Variants in C10orf67 observed in about 807,000 individuals in gnomAD.
C10orf67 encodes the protein uncharacterized protein C10orf67, mitochondrial.
Under a neutral mutation model 35.6 loss-of-function variants are expected in C10orf67, and 60 were observed. The observed-to-expected ratio is 1.68, with a 90% CI of 1.37 to 2.09. C10orf67 has a LOEUF of 2.09. C10orf67 is among the 30% of genes most tolerant of loss of function. C10orf67 has a pLI of 0.00. For missense variants in C10orf67, 474 were observed against 330.2 expected (o/e 1.44, Z -3.38); for synonymous variants, 167 against 115.8 (o/e 1.44, Z -2.84).
At chr10:23,323,894 AATATATATATATAT>A (rs137983793) in intron 2 of C10orf67, among the ~76,000 whole-genome samples, 787 of 42,786 alleles carry the variant, frequency 0.018, 40 homozygotes, top group South Asian at 0.027. Context: ...ACTCCGTCTA[AATATATATATATAT>A]ATATATATAT....
At chr10:23,328,533 A>T (rs1234159397) in intron 2 of C10orf67, among the ~76,000 whole-genome samples, 1 of 152,120 alleles carries the variant, frequency 6.6e-6, no homozygotes, top group Non-Finnish European at 1.5e-5. Flanking sequence ...AGATAAAATG[A>T]ATCTACATCA....
chr10:23,216,695 A>G (rs1048215535), intron 15 of C10orf67, among the ~76,000 whole-genome samples: 1 of 152,188 alleles, frequency 6.6e-6, no homozygotes, highest in African/African-American at 2.4e-5. Flanking sequence ...AATAAATTTC[A>G]AAAACATTTA....
At chr10:23,312,131 T>G in intron 4 of C10orf67, among the ~76,000 whole-genome samples, 1 of 152,350 alleles carries the variant, frequency 6.6e-6, no homozygotes, top group Non-Finnish European at 1.5e-5. Flanking sequence ...TTAATTAATA[T>G]GCATTTACTC....
chr10:23,311,824 A>G (rs1588681123), intron 4 of C10orf67, among the ~76,000 whole-genome samples: 2 of 152,210 alleles, frequency 1.3e-5, no homozygotes, highest in African/African-American at 4.8e-5. Flanking sequence ...TTAACTTTCT[A>G]AAATAAAATT....
At chr10:23,223,946 A>T (rs1488128826) in intron 13 of C10orf67, 128 bp from the exon 14 acceptor site, 1 of 630,040 alleles carries the variant, frequency 1.6e-6, no homozygotes, top group Non-Finnish European at 2.8e-6. Flanking sequence ...TATTTGCTCA[A>T]ATATGGCTGC....
intron 1 of C10orf67, among the ~76,000 whole-genome samples, chr10:23,335,291 G>A (rs1400308575): frequency 6.6e-6 from 1 of 152,002 alleles, no homozygotes; most frequent in East Asian, 1.9e-4. Context: ...TCCCTGTAAT[G>A]TCATAGAGTA....
At chr10:23,309,289 C>A (rs1034679110) in intron 4 of C10orf67, among the ~76,000 whole-genome samples, 3 of 152,084 alleles carry the variant, frequency 2.0e-5, no homozygotes, top group Admixed American at 1.3e-4. Context: ...AATGCAGGAA[C>A]AGAAAACTAA....
intron 1 of C10orf67, chr10:23,343,938 C>T: frequency 4.3e-6 from 2 of 467,002 alleles, no homozygotes; most frequent in Non-Finnish European, 8.9e-6. Flanking sequence ...CAATAGAGGC[C>T]TCGAGGCCCT....
intron 10 of C10orf67, among the ~76,000 whole-genome samples, chr10:23,253,879 GA>G (rs992528946): frequency 6.6e-5 from 10 of 151,688 alleles, no homozygotes; most frequent in African/African-American, 2.2e-4. Context: ...TAAAAAAAGA[GA>G]AAAAAAAGCA....
intron 15 of C10orf67, among the ~76,000 whole-genome samples, chr10:23,207,610 T>C (rs754135142): frequency 3.3e-5 from 5 of 152,202 alleles, no homozygotes; most frequent in Non-Finnish European, 7.3e-5. Context: ...ATGGGTGATT[T>C]CAGTTCAGCC....
chr10:23,275,171 G>T (rs1285069070), intron 8 of C10orf67, among the ~76,000 whole-genome samples: 2 of 152,004 alleles, frequency 1.3e-5, no homozygotes, highest in Non-Finnish European at 2.9e-5. Flanking sequence ...TTCTTTCAGG[G>T]GTACTTCCTA....
chr10:23,208,750 T>C (rs557107118), intron 15 of C10orf67, among the ~76,000 whole-genome samples: 1 of 152,308 alleles, frequency 6.6e-6, no homozygotes, highest in African/African-American at 2.4e-5. Flanking sequence ...CCCTCACACA[T>C]TGACTCTGGT....
chr10:23,254,687 T>C (rs185031018), intron 10 of C10orf67, among the ~76,000 whole-genome samples: 29 of 152,332 alleles, frequency 1.9e-4, no homozygotes, highest in Admixed American at 1.7e-3. Flanking sequence ...ATTTAACAAA[T>C]ATACTATTCT....
chr10:23,268,782 C>G (rs11013359), intron 8 of C10orf67, among the ~76,000 whole-genome samples: 1 of 152,136 alleles, frequency 6.6e-6, no homozygotes, highest in Non-Finnish European at 1.5e-5. Context: ...GCCCACTACA[C>G]GCCTAGACTT....
intron 4 of C10orf67, among the ~76,000 whole-genome samples, chr10:23,313,227 T>A (rs1488839234): frequency 6.6e-6 from 1 of 152,222 alleles, no homozygotes; most frequent in African/African-American, 2.4e-5. Flanking sequence ...AAGTTTATTA[T>A]CTCTCTTGAC....
chr10:23,281,145 G>A (rs1843352634), intron 8 of C10orf67, among the ~76,000 whole-genome samples: 1 of 152,108 alleles, frequency 6.6e-6, no homozygotes, highest in African/African-American at 2.4e-5. Flanking sequence ...TTCCCAAGTT[G>A]GTTTCGTAGA....
chr10:23,211,096 C>T lies in C10orf67; in HGVS notation c.1571-6841G>A, dbSNP rs117670458. Among the ~76,000 whole-genome samples the T allele has an allele frequency of 3.1e-3, 468 of 152,288 alleles. 2 individuals are homozygous for T. The highest frequency in any genetic ancestry group is 6.3e-3 in the Admixed American group (96 of 15,292). ...GCTGAAACCAACAGAAATGAATTGT[C>T]TCATAGTTGTGGAGGCTAGGAGTTC... On this transcript the variant is annotated intron_variant, in intron 15 of 15. Transcript: ENST00000636213.
chr10:23,264,840 AC>A (rs1381690573), intron 10 of C10orf67, among the ~76,000 whole-genome samples: 8 of 152,140 alleles, frequency 5.3e-5, no homozygotes, highest in African/African-American at 1.9e-4. Flanking sequence ...AGAGCCTCAG[AC>A]CACAGACCCC....
chr10:23,270,079 G>C (rs999265776), intron 8 of C10orf67, among the ~76,000 whole-genome samples: 1 of 152,138 alleles, frequency 6.6e-6, no homozygotes, highest in African/African-American at 2.4e-5. Flanking sequence ...TATATACTGG[G>C]GGAGGGGCCA....
Sources: allele counts gnomAD v4.1 joint callset (sites outside exome capture counted in the v4.1 genomes callset), GRCh38; gene constraint gnomAD v4.1.1; transcripts MANE v1.5; gene names NCBI Gene and HGNC (gene_info 2026-07-23, HGNC 2026-07-21).